The following SHANK1 variants were observed in gnomAD, a reference collection of about 807,000 sequenced individuals.
The protein encoded by SHANK1 is SH3 and multiple ankyrin repeat domains protein 1.
In SHANK1, 35 loss-of-function variants were observed where a neutral mutation model predicts 165.6. The observed-to-expected ratio is 0.21, with a 90% CI of 0.16 to 0.28. The LOEUF (loss-of-function observed/expected upper bound fraction) is 0.28, where lower values mean the gene tolerates loss of function less well. Among genes scored for constraint, SHANK1 ranks in the 10% least tolerant of loss-of-function variants. SHANK1 has a pLI of 1.00. For synonymous variants in SHANK1, 1,428 were observed against 1,384.8 expected (o/e 1.03, Z -0.69); for missense variants, 2,681 against 3,036.4 (o/e 0.88, Z 2.75).
At position 50,715,748 on chromosome 19, in the gene SHANK1, G is replaced by A. The variant is rs1387266128; in HGVS notation, c.460-18C>T. On this transcript the variant is annotated intron_variant, in intron 3 of 23. Transcript: ENST00000293441. ...TATCGGAACTGAGGTCAAGGGTAGG[G>A]TAGTGAGAGAGACACAGAGACTTGG... 6.2e-7 allele frequency: 1 copy of A among 1,610,462 alleles called. No individual in the cohort carries two copies. Among genetic ancestry groups the A allele is most frequent in the East Asian group, 2.2e-5 (1 of 44,876 alleles).
At position 50,666,532 on chromosome 19, in the gene SHANK1, C is replaced by T. The variant is rs1290961486; in HGVS notation, c.5428G>A (p.Gly1810Ser). ...LRACSGPPTA[G>S]VAGGPVAVEP... ...ACAGCCACCGGACCCCCCGCCACGC[C>T]TGCCGTGGGGGGTCCTGAACAAGCA... is the stretch of plus-strand genomic sequence containing the variant. The change falls in exon 23 of 24, where the codon GGC (glycine) becomes AGC (serine). Residue 1810 changes from glycine (G) to serine (S), a missense_variant. Transcript: ENST00000293441. 38 of 1,592,936 alleles carry T rather than the reference C, an allele frequency of 2.4e-5. No individual in the cohort carries two copies. The highest frequency in any genetic ancestry group is 3.2e-5 in the Non-Finnish European group (38 of 1,172,488).
At position 50,716,972 on chromosome 19, in the gene SHANK1, C is replaced by A; in HGVS notation, c.-43-10G>T. ...GCAGCATCACAGGCGGCTGCAGGGG[C>A]CAAGGGCGGCCATCAGACTAGGAGC... On this transcript the variant is annotated splice_polypyrimidine_tract_variant and intron_variant, in intron 1 of 23. Transcript: ENST00000293441. This position sits in a 1 kb window ranked among gnomAD's most constrained non-coding sequence, Gnocchi z 8.4. 1.4e-6 allele frequency: 2 copies of A among 1,403,670 alleles called. No individual in the cohort carries two copies. The highest frequency in any genetic ancestry group is 1.8e-6 in the Non-Finnish European group (2 of 1,083,134). The allele number at this position is 1,403,670 out of a possible 1,614,324, so 87.0% of individuals were successfully genotyped here. A position where few individuals can be genotyped will look rare whatever the true frequency, so the allele number is the denominator to read the frequency against.
chr19:50,667,813 G>T lies in SHANK1; in HGVS notation c.4147C>A (p.Pro1383Thr). The T allele has an allele frequency of 3.9e-6, 5 of 1,296,610 alleles. No homozygotes were observed. Among genetic ancestry groups the T allele is most frequent in the Non-Finnish European group, 4.9e-6 (5 of 1,027,248 alleles). The allele number at this position is 1,296,610 out of a possible 1,614,324, so 80.3% of individuals were successfully genotyped here. A position where few individuals can be genotyped will look rare whatever the true frequency, so the allele number is the denominator to read the frequency against. The part of the protein sequence containing the change: ...APQPPPRPPS[P>T]RYEAPPPTPH... ...GTGGGCGGCGGGGCCTCGTAGCGGG[G>T]CGATGGGGGCCTGGGAGGCGGCTGG... Residue 1383 changes from proline to threonine, a missense_variant, in exon 23 of 24, where the codon CCC (proline) becomes ACC (threonine). Pro to Thr is a conservative substitution (Grantham distance 38, BLOSUM62 -1). Transcript: ENST00000293441. This position sits in a 1 kb window ranked among gnomAD's most constrained non-coding sequence, Gnocchi z 5.7.
chr19:50,697,675 A>G lies in SHANK1; in HGVS notation c.1862-11T>C. On this transcript the variant is annotated splice_polypyrimidine_tract_variant and intron_variant, in intron 13 of 23. Transcript: ENST00000293441. This position sits in a 1 kb window ranked among gnomAD's most constrained non-coding sequence, Gnocchi z 4.7. ...TGTCACTGCGGCTTTCTGCAGGGTGACAACAGACAACCTTGGACTCTTGTT... is the reference window on the plus strand; with the variant it reads ...TGTCACTGCGGCTTTCTGCAGGGTGGCAACAGACAACCTTGGACTCTTGTT... 6.2e-7 allele frequency: 1 copy of G among 1,613,272 alleles called. No homozygotes were observed.
At chr19:50,715,580 G>A in intron 4 of SHANK1, 79 bp downstream of exon 4, 2 of 1,263,280 alleles carry the variant, frequency 1.6e-6, no homozygotes, top group African/African-American at 1.5e-5. Context: ...TTGGGAAGAG[G>A]TGGGGAGAGA....
Position 50,690,043 on chromosome 19 carries a change from C to T in SHANK1, c.1965-764G>A, listed in dbSNP as rs1368231625. Among the ~76,000 whole-genome samples, 1 of 152,158 alleles carries T rather than the reference C, an allele frequency of 6.6e-6. No homozygotes were observed. The highest frequency in any genetic ancestry group is 2.4e-5 in the African/African-American group (1 of 41,432). ...CATATTTCCAAGTGTGCAGAAGCTG[C>T]ACATGGCTGGTGGCCACCACATTGG... is the stretch of plus-strand genomic sequence containing the variant. On this transcript the variant is annotated intron_variant, in intron 15 of 23. Coordinates refer to ENST00000293441, the MANE Select transcript of SHANK1 (RefSeq NM_016148.5). The surrounding 1 kb of genome is among the most constrained non-coding windows in gnomAD (Gnocchi z 4.9).
chr19:50,699,386 A>C (rs545269460), intron 12 of SHANK1, among the ~76,000 whole-genome samples: 3 of 152,170 alleles, frequency 2.0e-5, no homozygotes, highest in African/African-American at 7.2e-5. Flanking sequence ...GTATGATTGG[A>C]AGTTGGGGTC....
At position 50,666,536 on chromosome 19, in the gene SHANK1, C is replaced by T; in HGVS notation, c.5424G>A (p.Thr1808=). 1 of 1,594,312 alleles carries T rather than the reference C, an allele frequency of 6.3e-7. No individual in the cohort carries two copies. Among genetic ancestry groups the T allele is most frequent in the South Asian group, 1.1e-5 (1 of 88,772 alleles). Residue 1808 remains threonine (T), a synonymous_variant, in exon 23 of 24, where the codon ACG becomes ACA. Transcript: ENST00000293441. ...LALRACSGPP[T]AGVAGGPVAV... ...CCACCGGACCCCCCGCCACGCCTGC[C>T]GTGGGGGGTCCTGAACAAGCACGCA... is the stretch of plus-strand genomic sequence containing the variant.
chr19:50,684,374 T>C (rs1986269460), intron 21 of SHANK1, among the ~76,000 whole-genome samples: 1 of 152,122 alleles, frequency 6.6e-6, no homozygotes, highest in African/African-American at 2.4e-5. Context: ...TACAGGCACA[T>C]GCCACCACAT....
chr19:50,688,832 G>A lies in SHANK1; in HGVS notation c.2172+12C>T, dbSNP rs745511368. The A allele has an allele frequency of 4.4e-6, 7 of 1,607,454 alleles. No individual in the cohort carries two copies. The highest frequency in any genetic ancestry group is 1.7e-4 in the Middle Eastern group (1 of 6,048). ...CACAGGGTCCCAGGGAAGAGAGGGG[G>A]CCTGGACTGACCTCGATGAGGAAGT... On this transcript the variant is annotated intron_variant, in intron 17 of 23. Coordinates refer to ENST00000293441, the MANE Select transcript of SHANK1 (RefSeq NM_016148.5). This position sits in a 1 kb window ranked among gnomAD's most constrained non-coding sequence, Gnocchi z 6.7.
At chr19:50,673,199 C>T (rs951287400) in intron 21 of SHANK1, among the ~76,000 whole-genome samples, 2 of 152,110 alleles carry the variant, frequency 1.3e-5, no homozygotes, top group Non-Finnish European at 2.9e-5. Context: ...GTCTGCTTGA[C>T]TTCCTTCCAC....
chr19:50,665,503 G>A (rs1267977256), intron 23 of SHANK1, among the ~76,000 whole-genome samples: 1 of 130,558 alleles, frequency 7.7e-6, no homozygotes, highest in Non-Finnish European at 1.5e-5. Context: ...GGAGGCAGAA[G>A]TTGCAGTGAG....
In SHANK1 at chr19:50,687,960, G is replaced by A. The variant is rs1986412744; in HGVS notation, c.2271C>T (p.Thr757=). 6.2e-7 allele frequency: 1 copy of A among 1,614,098 alleles called. No homozygotes were observed. The highest frequency in any genetic ancestry group is 8.5e-7 in the Non-Finnish European group (1 of 1,179,968). Residue 757 remains threonine (T), a synonymous_variant, in exon 18 of 24, where the codon ACC becomes ACT. Coordinates refer to ENST00000293441, the MANE Select transcript of SHANK1 (RefSeq NM_016148.5). ...NTLMVKVVMV[T]RHPDMDEAVH... ...CTGCCTCATCCATGTCCGGGTGCCTGGTGACCATCACCACCTTCACCATCA... is the reference window on the plus strand; with the variant it reads ...CTGCCTCATCCATGTCCGGGTGCCTAGTGACCATCACCACCTTCACCATCA...
chr19:50,686,601 C>A lies in SHANK1; in HGVS notation c.2458+143G>T. 3.1e-6 allele frequency: 2 copies of A among 649,340 alleles called. No individual in the cohort carries two copies. Among genetic ancestry groups the A allele is most frequent in the African/African-American group, 2.0e-5 (1 of 50,508 alleles). 40.2% of individuals were successfully genotyped at this position (649,340 alleles called of 1,614,324 possible). The stretch of plus-strand genomic sequence containing the variant: ...GAACGGGGCAGCCGTCGGGAGAGGG[C>A]GGGCGGAGGGAGGGGAGGTGGGATC... On this transcript the variant is annotated intron_variant, in intron 20 of 23. Coordinates refer to ENST00000293441, the MANE Select transcript of SHANK1 (RefSeq NM_016148.5). The surrounding 1 kb of genome is among the most constrained non-coding windows in gnomAD (Gnocchi z 5.7).
rs148515493 is a variant in SHANK1, at chr19:50,693,064, C to A, written c.1965-3785G>T. ...GGTCCCTTTCATACTTCCTGGGTACCCTCTTTTGCATCCGTGGAAACCTCC... is the reference window on the plus strand; with the variant it reads ...GGTCCCTTTCATACTTCCTGGGTACACTCTTTTGCATCCGTGGAAACCTCC... On this transcript the variant is annotated intron_variant, in intron 15 of 23. Transcript: ENST00000293441. 1.1e-3 allele frequency among the ~76,000 whole-genome samples: 167 copies of A among 151,700 alleles called. 1 individual carries two copies. The highest frequency in any genetic ancestry group is 2.0e-3 in the Non-Finnish European group (133 of 67,884).
chr19:50,682,938 T>C (rs1401793352), intron 21 of SHANK1, among the ~76,000 whole-genome samples: 1 of 152,168 alleles, frequency 6.6e-6, no homozygotes, highest in African/African-American at 2.4e-5. Context: ...TGATCCTCCC[T>C]CTTCAGCCCC....
chr19:50,661,870 T>C lies in SHANK1; in HGVS notation c.*95A>G. 7.1e-7 allele frequency: 1 copy of C among 1,416,362 alleles called. No homozygotes were observed. The highest frequency in any genetic ancestry group is 9.8e-7 in the Non-Finnish European group (1 of 1,019,288). 87.7% of individuals were successfully genotyped at this position (1,416,362 alleles called of 1,614,324 possible). A position where few individuals can be genotyped will look rare whatever the true frequency, so the allele number is the denominator to read the frequency against. On this transcript the variant is annotated 3_prime_UTR_variant, in exon 24 of 24. Coordinates refer to ENST00000293441, the MANE Select transcript of SHANK1 (RefSeq NM_016148.5). ...CAGGGCGCAGTTTGAACAGAGTCCC[T>C]GGCCCGGGGAGAGAATGACAGTCAG...
At position 50,685,244 on chromosome 19, in the gene SHANK1, T is replaced by C. The variant is rs58022051; in HGVS notation, c.2577+993A>G. On this transcript the variant is annotated intron_variant, in intron 21 of 23. Transcript: ENST00000293441. ...ACAGCCCAGTGGAGTAGGGGCAACA[T>C]CCAGGAAGGGAGCAGCAGGCCCCTA... is the stretch of plus-strand genomic sequence containing the variant. Among the ~76,000 whole-genome samples, 555 of 152,192 alleles carry C rather than the reference T, an allele frequency of 3.6e-3. 3 individuals carry two copies. The highest frequency in any genetic ancestry group is 0.012 in the African/African-American group (518 of 41,526).
At chr19:50,714,063 C>G (rs1599874073) in intron 5 of SHANK1, 114 bp from the exon 6 acceptor site, 3 of 1,531,528 alleles carry the variant, frequency 2.0e-6, no homozygotes, top group Admixed American at 1.9e-5. Context: ...GTGGCCTCCC[C>G]CTTGGACAGC....
Sources: gnomAD v4.1 joint callset for allele counts (sites outside exome capture counted in the v4.1 genomes callset) on GRCh38, gnomAD v4.1.1 for gene constraint, Gnocchi (gnomAD v3.1) non-coding constraint, MANE v1.5 for transcripts, NCBI Gene and HGNC (gene_info 2026-07-23, HGNC 2026-07-21) for gene names.